Variants in SYNE2 observed in about 807,000 individuals in gnomAD.
The protein encoded by SYNE2 is spectrin repeat containing nuclear envelope protein 2.
Under a neutral mutation model 856.3 loss-of-function variants are expected in SYNE2, and 431 were observed. The observed-to-expected ratio is 0.50, with a 90% confidence interval of 0.47 to 0.55. The LOEUF (loss-of-function observed/expected upper bound fraction) is 0.55. SYNE2 is among the 20% of genes least tolerant of loss of function. SYNE2 has a pLI of 0.00. For missense variants in SYNE2, 8,129 were observed against 8,023.2 expected, an observed-to-expected ratio of 1.01 and a Z score of -0.50; for synonymous variants, 2,923 against 2,872.3, an observed-to-expected ratio of 1.02 and a Z score of -0.56.
chr14:63,850,018 C>T (rs137983949), upstream of SYNE2, among the ~76,000 whole-genome samples: 80 of 151,530 alleles, frequency 5.3e-4, no homozygotes, highest in African/African-American at 1.5e-3. Flanking sequence ...TTGAGCCCAA[C>T]GGATCATTTG....
At chr14:63,993,257 C>T (rs1356337075) in intron 21 of SYNE2, among the ~76,000 whole-genome samples, 1 of 152,198 alleles carries the variant, frequency 6.6e-6, no homozygotes, top group Non-Finnish European at 1.5e-5. Flanking sequence ...ATGTGGCTCA[C>T]ACCTATAATC....
At position 64,163,509 on chromosome 14, in the gene SYNE2, G is replaced by C; in HGVS notation, c.16407G>C (p.Pro5469=). 1 of 1,614,116 alleles carries C rather than the reference G, an allele frequency of 6.2e-7. No individual in the cohort carries two copies. The highest frequency in any genetic ancestry group is 1.7e-5 in the Admixed American group (1 of 60,004). Residue 5469 remains proline (P), a synonymous_variant, in exon 89 of 116, where the codon CCG becomes CCC. Coordinates refer to ENST00000555002, the MANE Select transcript of SYNE2 (RefSeq NM_182914.3). ...AGTCCAGCACCCACATGCTCCTCCC[G>C]GGCCCCCTGCACTCTCTCCAGAGGG... The part of the protein sequence containing the change: ...PAESSTHMLL[P]GPLHSLQRAA...
At chr14:64,156,700 C>A (rs749666634) in intron 85 of SYNE2, among the ~76,000 whole-genome samples, 52 of 151,968 alleles carry the variant, frequency 3.4e-4, no homozygotes, top group Non-Finnish European at 6.6e-4. Flanking sequence ...CTTAGGTGAT[C>A]CAACCACCTT....
chr14:64,215,114 C>G (rs1007062681), intron 106 of SYNE2, among the ~76,000 whole-genome samples, 172 bp from the exon 107 acceptor site: 1 of 151,942 alleles, frequency 6.6e-6, no homozygotes, highest in African/African-American at 2.4e-5. Flanking sequence ...CTGCTTTGGA[C>G]AGTCAGGAGT....
chr14:64,155,300 A>G lies in SYNE2; in HGVS notation c.15792+2584A>G, dbSNP rs534577450. On this transcript the variant is annotated intron_variant, in intron 85 of 115. Coordinates refer to ENST00000555002, the MANE Select transcript of SYNE2 (RefSeq NM_182914.3). ...AAGTAGTACATACATATATATATAT[A>G]TACTACAACACTGATGATCTTGGAA... Among the ~76,000 whole-genome samples, 26 of 152,094 alleles carry G rather than the reference A, an allele frequency of 1.7e-4. 1 individual carries two copies. The highest frequency in any genetic ancestry group is 3.4e-3 in the Middle Eastern group (1 of 294).
At chr14:63,862,342 G>GGT (rs1426110334) in intron 1 of SYNE2, among the ~76,000 whole-genome samples, 1 of 152,168 alleles carries the variant, frequency 6.6e-6, no homozygotes, top group Non-Finnish European at 1.5e-5. Flanking sequence ...AGTGCAGCGT[G>GGT]GTGTGATTAT....
intron 83 of SYNE2, among the ~76,000 whole-genome samples, chr14:64,145,433 G>A (rs1365252710): frequency 3.3e-5 from 5 of 151,368 alleles, no homozygotes; most frequent in Admixed American, 6.6e-5. Flanking sequence ...GCTTGAACCC[G>A]GGAGGTGGAG....
intron 1 of SYNE2, among the ~76,000 whole-genome samples, chr14:63,893,712 C>T (rs1014556210): frequency 1.3e-5 from 2 of 152,214 alleles, no homozygotes; most frequent in African/African-American, 4.8e-5. Flanking sequence ...AACAGCCCTT[C>T]TCACAGGACT....
intron 1 of SYNE2, among the ~76,000 whole-genome samples, chr14:63,903,664 C>T (rs866560334): frequency 1.3e-5 from 2 of 152,068 alleles, no homozygotes. Flanking sequence ...TTCCACATGC[C>T]GGTTGAGGAC....
chr14:64,186,462 G>A lies in SYNE2; in HGVS notation c.17595G>A (p.Leu5865=). 7 of 1,614,204 alleles carry A rather than the reference G, an allele frequency of 4.3e-6. No individual in the cohort carries two copies. Among genetic ancestry groups the A allele is most frequent in the Non-Finnish European group, 5.9e-6 (7 of 1,180,040 alleles). The change falls in exon 97 of 116, where the codon TTG becomes TTA. Residue 5865 remains leucine, a synonymous_variant. Coordinates refer to ENST00000555002, the MANE Select transcript of SYNE2 (RefSeq NM_182914.3). ...CTTTGGCTAGCTGGACTCAGAACTT[G>A]AAAGAACTTCAAACTATGAAGGCGG... ...EQSLASWTQN[L]KELQTMKADL...
At chr14:63,915,235 T>G (rs1244572211) in intron 2 of SYNE2, among the ~76,000 whole-genome samples, 1 of 152,248 alleles carries the variant, frequency 6.6e-6, no homozygotes, top group African/African-American at 2.4e-5. Flanking sequence ...AAAAGCATGA[T>G]GCAGGTGGAG....
intron 1 of SYNE2, among the ~76,000 whole-genome samples, chr14:63,777,930 A>C (rs754937289): frequency 1.3e-5 from 2 of 152,148 alleles, no homozygotes; most frequent in Non-Finnish European, 2.9e-5. Flanking sequence ...CAGCCTCCCA[A>C]ATGCTGGGAT....
chr14:63,832,810 C>G (rs928456244), intron 1 of SYNE2, among the ~76,000 whole-genome samples: 3 of 140,270 alleles, frequency 2.1e-5, no homozygotes, highest in African/African-American at 7.9e-5. Flanking sequence ...GGGAGGTTAG[C>G]TTGAACCCAG....
rs1454484451 is a variant in SYNE2 at position 64,009,950 on chromosome 14, A to G, written c.4578-16A>G. ...ATTTTTGGACATTTAGCTATTGTATATTTTTCTATTCTTAGTCTTGAACAA... is the reference window on the plus strand; with the variant it reads ...ATTTTTGGACATTTAGCTATTGTATGTTTTTCTATTCTTAGTCTTGAACAA... On this transcript the variant is annotated splice_polypyrimidine_tract_variant and intron_variant, in intron 31 of 115. Coordinates refer to ENST00000555002, the MANE Select transcript of SYNE2 (RefSeq NM_182914.3). 4.3e-6 allele frequency: 7 copies of G among 1,610,452 alleles called. No homozygotes were observed. The South Asian group carries it at 5.5e-5, about 13-fold the overall frequency.
At chr14:64,098,197 AT>A (rs2097693022) in intron 62 of SYNE2, 51 bp downstream of exon 62, 4 of 1,593,074 alleles carry the variant, frequency 2.5e-6, no homozygotes, top group Non-Finnish European at 3.4e-6. Flanking sequence ...AAGAGCATTA[AT>A]GGGTAGTGTT....
intron 94 of SYNE2, among the ~76,000 whole-genome samples, chr14:64,174,571 G>A (rs2098425201): frequency 6.6e-6 from 1 of 152,062 alleles, no homozygotes; most frequent in South Asian, 2.1e-4. Context: ...GTAATATAAG[G>A]TCTGTTACTT....
At chr14:64,055,654 A>G (rs1284522971) in intron 48 of SYNE2, among the ~76,000 whole-genome samples, 1 of 152,120 alleles carries the variant, frequency 6.6e-6, no homozygotes, top group East Asian at 1.9e-4. Flanking sequence ...GTTGTGAGCC[A>G]CCACGCCGGG....
At chr14:64,130,281 C>T in intron 76 of SYNE2, 33 bp downstream of exon 76, 1 of 1,549,436 alleles carries the variant, frequency 6.5e-7, no homozygotes, top group Non-Finnish European at 8.9e-7. Flanking sequence ...GTGACCCCTT[C>T]ATAGACTAAA....
At chr14:63,986,319 C>G in intron 18 of SYNE2, 137 bp from the exon 19 acceptor site, 1 of 918,940 alleles carries the variant, frequency 1.1e-6, no homozygotes, top group Non-Finnish European at 1.7e-6. Context: ...AGACTGGTCA[C>G]AAACTCCTAG....
Sources: gnomAD v4.1 joint callset for allele counts (sites outside exome capture counted in the v4.1 genomes callset) on GRCh38, gnomAD v4.1.1 for gene constraint, MANE v1.5 for transcripts, NCBI Gene and HGNC (gene_info 2026-07-23, HGNC 2026-07-21) for gene names.